Variants in SLCO3A1 observed in about 807,000 individuals in gnomAD.
SLCO3A1 encodes the protein PGE1 transporter.
A neutral mutation model predicts 63.1 loss-of-function variants in SLCO3A1; 27 were observed. The observed-to-expected ratio is 0.43, with a 90% CI of 0.32 to 0.59. The LOEUF (loss-of-function observed/expected upper bound fraction) is 0.59, where lower values mean the gene tolerates loss of function less well. Ranked by LOEUF, SLCO3A1 falls within the 20% of genes least tolerant of loss-of-function variation. The probability of loss-of-function intolerance (pLI) is 0.09; values close to 1 mark genes in which losing one functional copy is unlikely to be tolerated. For synonymous variants in SLCO3A1, 473 were observed against 409.9 expected, an observed-to-expected ratio of 1.15 and a Z score of -1.86; for missense variants, 773 against 945.8, an observed-to-expected ratio of 0.82 and a Z score of 2.40.
chr15:92,097,084 G>A (rs2047548121), intron 3 of SLCO3A1, among the ~76,000 whole-genome samples: 1 of 152,222 alleles, frequency 6.6e-6, no homozygotes, highest in African/African-American at 2.4e-5. Context: ...AAGCCACCTT[G>A]AAGGGTAGCA....
In SLCO3A1 at chr15:91,872,188, G is replaced by A. The variant is rs1897297399; in HGVS notation, c.180+18100G>A. Among the ~76,000 whole-genome samples the A allele has an allele frequency of 6.6e-6, 1 of 152,130 alleles. No homozygotes were observed. The highest frequency in any genetic ancestry group is 1.5e-5 in the Non-Finnish European group (1 of 68,022). Reference sequence around the variant, plus strand: ...CTCACACAAATCCCATGCAGTAGATGTCATTATTTCTCTTTTCCGTATAAG... The same window carrying A: ...CTCACACAAATCCCATGCAGTAGATATCATTATTTCTCTTTTCCGTATAAG... On this transcript the variant is annotated intron_variant, in intron 1 of 9. Transcript: ENST00000318445. This position sits in a 1 kb window ranked among gnomAD's most constrained non-coding sequence, Gnocchi z 4.1.
At chr15:91,913,367 A>C (rs545951089) in intron 1 of SLCO3A1, among the ~76,000 whole-genome samples, 12 of 152,334 alleles carry the variant, frequency 7.9e-5, no homozygotes, top group Admixed American at 2.0e-4. Flanking sequence ...CGCGCTGCTC[A>C]CTGCCATTAG....
chr15:92,161,056 G>A (rs1025167156), intron 9 of SLCO3A1, among the ~76,000 whole-genome samples: 2 of 152,146 alleles, frequency 1.3e-5, no homozygotes, highest in African/African-American at 4.8e-5. Context: ...GATGCTCTAG[G>A]ACTAGCTCTG....
chr15:92,141,791 C>T (rs2048135790), intron 7 of SLCO3A1, among the ~76,000 whole-genome samples: 1 of 152,212 alleles, frequency 6.6e-6, no homozygotes, highest in Non-Finnish European at 1.5e-5. Flanking sequence ...ACCTTATGCA[C>T]CCATCTCCCT....
chr15:92,016,197 ATATT>A (rs1327387425), intron 2 of SLCO3A1, among the ~76,000 whole-genome samples: 2 of 140,364 alleles, frequency 1.4e-5, no homozygotes, highest in African/African-American at 5.4e-5. Flanking sequence ...TGTTGTATAT[ATATT>A]TATATAGATA....
At chr15:91,855,113 C>G (rs1156765725) in intron 1 of SLCO3A1, among the ~76,000 whole-genome samples, 1 of 152,120 alleles carries the variant, frequency 6.6e-6, no homozygotes, top group African/African-American at 2.4e-5. Flanking sequence ...TTTGAGTATT[C>G]CTGAGCAAGT....
At chr15:92,049,678 A>G (rs2046933617) in intron 2 of SLCO3A1, among the ~76,000 whole-genome samples, 1 of 152,218 alleles carries the variant, frequency 6.6e-6, no homozygotes. Context: ...TTAGCTAGTT[A>G]ATAGCCCATG....
intron 2 of SLCO3A1, among the ~76,000 whole-genome samples, chr15:91,945,817 C>A (rs73530674): frequency 0.01 from 1,534 of 152,264 alleles, 27 homozygotes; most frequent in African/African-American, 0.035. Flanking sequence ...TAACATGTCA[C>A]CCTGGGCTAC....
chr15:92,122,835 T>G (rs2047879060), intron 5 of SLCO3A1, among the ~76,000 whole-genome samples: 1 of 152,218 alleles, frequency 6.6e-6, no homozygotes, highest in African/African-American at 2.4e-5. Flanking sequence ...GGAAAGAACT[T>G]TGATACATGC....
At chr15:91,993,404 A>G (rs1161424066) in intron 2 of SLCO3A1, among the ~76,000 whole-genome samples, 2 of 152,208 alleles carry the variant, frequency 1.3e-5, no homozygotes, top group Non-Finnish European at 2.9e-5. Flanking sequence ...ATTTATAGAG[A>G]TAATGACTTA....
intron 1 of SLCO3A1, among the ~76,000 whole-genome samples, chr15:91,892,504 C>A (rs1331477103): frequency 2.6e-5 from 4 of 152,140 alleles, no homozygotes; most frequent in African/African-American, 9.7e-5. Context: ...AGAGGAATTT[C>A]CCAGCCTGGA....
chr15:91,883,207 A>G lies in SLCO3A1; in HGVS notation c.180+29119A>G, dbSNP rs573410261. ...TTCCCCTTTTTTAACAGCGGGCAGT[A>G]AGTGGTCTGGGTTTCACTTACATCA... is the stretch of plus-strand genomic sequence containing the variant. On this transcript the variant is annotated intron_variant, in intron 1 of 9. Transcript: ENST00000318445. This position sits in a 1 kb window ranked among gnomAD's most constrained non-coding sequence, Gnocchi z 4.8. 2.6e-5 allele frequency among the ~76,000 whole-genome samples: 4 copies of G among 152,316 alleles called. No homozygotes were observed. The South Asian group carries it at 6.2e-4, about 24-fold the overall frequency.
chr15:92,139,384 T>A (rs1194454256), intron 7 of SLCO3A1, among the ~76,000 whole-genome samples: 1 of 152,010 alleles, frequency 6.6e-6, no homozygotes, highest in African/African-American at 2.4e-5. Flanking sequence ...TTGCCAGTAT[T>A]TTATTGAGGA....
intron 2 of SLCO3A1, among the ~76,000 whole-genome samples, chr15:91,945,037 C>A (rs1484304055): frequency 2.0e-5 from 3 of 152,148 alleles, no homozygotes; most frequent in African/African-American, 7.2e-5. Flanking sequence ...CCTTTATTCA[C>A]CCAACAGATA....
chr15:91,981,115 A>G (rs1475397476), intron 2 of SLCO3A1, among the ~76,000 whole-genome samples: 1 of 152,214 alleles, frequency 6.6e-6, no homozygotes, highest in Middle Eastern at 3.4e-3. Context: ...CCTCAGAGTG[A>G]CAGGCAGCCT....
intron 2 of SLCO3A1, among the ~76,000 whole-genome samples, chr15:92,015,004 T>G (rs2387400): frequency 0.78 from 119,264 of 152,122 alleles, 47,771 homozygotes; most frequent in East Asian, 0.98. Context: ...CTTTCTTGGT[T>G]CCATGGCTAA....
chr15:92,023,471 T>C (rs944375547), intron 2 of SLCO3A1, among the ~76,000 whole-genome samples: 2 of 152,096 alleles, frequency 1.3e-5, no homozygotes, highest in African/African-American at 4.8e-5. Context: ...TGAATTTTTT[T>C]TCTTTTTTTT....
rs146811388 is a variant in SLCO3A1 at position 92,126,164 on chromosome 15, C to T, written c.1278C>T (p.Leu426=). The T allele has an allele frequency of 3.7e-5, 59 of 1,613,990 alleles. No homozygotes were observed. The highest frequency in any genetic ancestry group is 3.0e-4 in the South Asian group (27 of 91,080). Residue 426 remains leucine, a synonymous_variant, in exon 6 of 10, where the codon CTC becomes CTT. Transcript: ENST00000318445. ...TGGGGGCCATTCGGATGGCCATGCT[C>T]GTCAACCTGGTGTCCACTGCTTGCT... The part of the protein sequence containing the change: ...SALGAIRMAM[L]VNLVSTACYV...
intron 2 of SLCO3A1, among the ~76,000 whole-genome samples, chr15:91,961,532 G>A (rs781433087): frequency 2.1e-4 from 32 of 152,192 alleles, no homozygotes; most frequent in Non-Finnish European, 4.4e-4. Flanking sequence ...TGGGATTCCA[G>A]AGATGAGTCA....
Sources: allele counts gnomAD v4.1 joint callset (sites outside exome capture counted in the v4.1 genomes callset), GRCh38; gene constraint gnomAD v4.1.1; non-coding constraint Gnocchi (gnomAD v3.1); transcripts MANE v1.5; gene names NCBI Gene and HGNC (gene_info 2026-07-23, HGNC 2026-07-21).